CRB1: variants seen among roughly 807,000 people sequenced by gnomAD.
CRB1 encodes crumbs cell polarity complex component 1.
CRB1 carries 83 observed loss-of-function variants against 120.0 expected under a neutral mutation model. That is an observed-to-expected ratio of 0.69 (90% CI 0.58 to 0.83). The LOEUF (loss-of-function observed/expected upper bound fraction) is 0.83, where lower values mean the gene tolerates loss of function less well. Ranked by LOEUF, CRB1 falls within the 40% of genes least tolerant of loss-of-function variation. The probability of loss-of-function intolerance (pLI) is 0.00; values close to 1 mark genes in which losing one functional copy is unlikely to be tolerated. For synonymous variants in CRB1, 625 were observed against 612.5 expected, an observed-to-expected ratio of 1.02 and a Z score of -0.30; for missense variants, 1,699 against 1,687.6, an observed-to-expected ratio of 1.01 and a Z score of -0.12.
upstream of CRB1, chr1:197,268,129 C>T: frequency 2.5e-6 from 1 of 398,106 alleles, no homozygotes; most frequent in Non-Finnish European, 4.7e-6. Context: ...AGAAAACTCG[C>T]AGCAAAGGCT....
chr1:197,218,282 G>A, the CRB1 span, among the ~76,000 whole-genome samples: 2 of 152,152 alleles, frequency 1.3e-5, no homozygotes, highest in Non-Finnish European at 2.9e-5. Context: ...CTACTGGCAA[G>A]AACTTTTTAA....
chr1:197,255,618 GA>G, the CRB1 span, among the ~76,000 whole-genome samples: 1 of 151,876 alleles, frequency 6.6e-6, no homozygotes, highest in Non-Finnish European at 1.5e-5. Flanking sequence ...CTGTTTTGGA[GA>G]AAAAAGGACG....
intron 5 of CRB1, among the ~76,000 whole-genome samples, chr1:197,408,877 C>T (rs921077100): frequency 6.6e-6 from 1 of 152,230 alleles, no homozygotes; most frequent in Admixed American, 6.5e-5. Context: ...GTACTTTCTA[C>T]TTGTTAGTCC....
intron 11 of CRB1, among the ~76,000 whole-genome samples, chr1:197,456,376 C>T (rs976225399): frequency 1.3e-5 from 2 of 152,014 alleles, no homozygotes; most frequent in East Asian, 3.8e-4. Context: ...GTGTCAATTT[C>T]CAGCTTTGAG....
In CRB1 at chr1:197,427,524, T is replaced by A; in HGVS notation, c.2199T>A (p.Tyr733Ter). The A allele has an allele frequency of 6.2e-7, 1 of 1,613,986 alleles. No homozygotes were observed. Among genetic ancestry groups the A allele is most frequent in the Non-Finnish European group, 8.5e-7 (1 of 1,179,976 alleles). Reference sequence around the variant, plus strand: ...TCATCTTTACTCTTGATGAGAGCTATGGAGACACCATCAGCCTCTCCATGT... The same window carrying A: ...TCATCTTTACTCTTGATGAGAGCTAAGGAGACACCATCAGCCTCTCCATGT... ...GYVIFTLDES[Y>*]GDTISLSMFV... Residue 733 changes from tyrosine to a stop codon, truncating the protein, a stop_gained, in exon 7 of 12, where the codon TAT (tyrosine) becomes TAA (stop). Coordinates refer to ENST00000367400, the MANE Select transcript of CRB1 (RefSeq NM_201253.3). LOFTEE classifies it high-confidence loss of function.
chr1:197,477,570 C>T, intron 11 of CRB1, 94 bp from the exon 12 acceptor site: 1 of 1,137,966 alleles, frequency 8.8e-7, no homozygotes, highest in African/African-American at 1.5e-5. Context: ...CCAGCTTGCT[C>T]TGGTTGGTCT....
chr1:197,326,711 G>A (rs1658512461), intron 1 of CRB1, among the ~76,000 whole-genome samples: 1 of 151,928 alleles, frequency 6.6e-6, no homozygotes, highest in East Asian at 1.9e-4. Context: ...CAAGGGAGCT[G>A]GGGAACAGAA....
chr1:197,263,351 T>C (rs1040829459), upstream of CRB1, among the ~76,000 whole-genome samples: 4 of 152,230 alleles, frequency 2.6e-5, no homozygotes, highest in African/African-American at 9.6e-5. Context: ...TCTGTTCATG[T>C]CTTTTGCCCA....
In CRB1 at chr1:197,341,723, T is replaced by A. The variant is rs141280898; in HGVS notation, c.653-2558T>A. Reference sequence around the variant, plus strand: ...ATAAACCAAACATTTTTTTTCCCAATGCACCTTTAATCCCATGGCTTTTGC... The same window carrying A: ...ATAAACCAAACATTTTTTTTCCCAAAGCACCTTTAATCCCATGGCTTTTGC... On this transcript the variant is annotated intron_variant, in intron 2 of 11. Transcript: ENST00000367400. Among the ~76,000 whole-genome samples, 1,338 of 152,292 alleles carry A rather than the reference T, an allele frequency of 8.8e-3. 15 individuals are homozygous for A. The highest frequency in any genetic ancestry group is 0.043 in the South Asian group (207 of 4,828).
intron 1 of CRB1, among the ~76,000 whole-genome samples, chr1:197,319,873 A>G (rs1294681609): frequency 2.0e-5 from 3 of 152,178 alleles, no homozygotes; most frequent in South Asian, 2.1e-4. Context: ...ACAACATGAT[A>G]GGGTGCTTTA....
chr1:197,371,819 C>T (rs1222962646), intron 5 of CRB1, among the ~76,000 whole-genome samples: 1 of 152,124 alleles, frequency 6.6e-6, no homozygotes. Flanking sequence ...CAGTAAGAAG[C>T]CTGCTCCTTG....
intron 1 of CRB1, among the ~76,000 whole-genome samples, chr1:197,276,249 A>G (rs1372047595): frequency 1.3e-5 from 2 of 151,814 alleles, no homozygotes; most frequent in African/African-American, 4.8e-5. Flanking sequence ...TAGCATGACT[A>G]TTTGGAGTTG....
chr1:197,333,851 C>T (rs1658998424), intron 2 of CRB1, among the ~76,000 whole-genome samples: 1 of 152,082 alleles, frequency 6.6e-6, no homozygotes, highest in Admixed American at 6.6e-5. Context: ...TGGCCATGGG[C>T]ATGAAAGGAA....
At chr1:197,471,573 A>G (rs141250599) in intron 11 of CRB1, among the ~76,000 whole-genome samples, 38 of 152,192 alleles carry the variant, frequency 2.5e-4, no homozygotes, top group African/African-American at 8.7e-4. Flanking sequence ...TCCTTTCTTC[A>G]CATTCCTAAG....
chr1:197,356,839 G>C lies in CRB1; in HGVS notation c.997G>C (p.Gly333Arg), dbSNP rs778232235. The C allele has an allele frequency of 3.7e-6, 6 of 1,614,164 alleles. No homozygotes were observed. The South Asian group carries it at 6.6e-5, about 18-fold the overall frequency. The change falls in exon 5 of 12, where the codon GGT (glycine) becomes CGT (arginine). Residue 333 changes from glycine (G) to arginine (R), a missense_variant. Gly to Arg is a moderately radical substitution (Grantham distance 125, BLOSUM62 -2). Coordinates refer to ENST00000367400, the MANE Select transcript of CRB1 (RefSeq NM_201253.3). ...YTCHCWPGYT[G>R]AQCEIDLNEC... ...GAATTTTCATCATGCAGGATACACA[G>C]GTGCCCAGTGTGAGATCGACCTCAA...
At chr1:197,207,373 G>T in the CRB1 span, among the ~76,000 whole-genome samples, 132 of 151,986 alleles carry the variant, frequency 8.7e-4, no homozygotes, top group South Asian at 0.016. Context: ...TTTGTTCCAA[G>T]ATTTAGAGCT....
chr1:197,287,744 A>G (rs903507198), intron 1 of CRB1, among the ~76,000 whole-genome samples: 3 of 151,922 alleles, frequency 2.0e-5, no homozygotes, highest in Non-Finnish European at 2.9e-5. Context: ...TCCACCTGGA[A>G]TTATTTCCTC....
Position 197,344,465 on chromosome 1 carries a change from T to A in CRB1, c.837T>A (p.Asp279Glu). The change falls in exon 3 of 12, where the codon GAT (aspartate) becomes GAA (glutamate). Residue 279 changes from aspartate to glutamate, a missense_variant. Coordinates refer to ENST00000367400, the MANE Select transcript of CRB1 (RefSeq NM_201253.3). ...GTCTCCATGGAGGGCTGTGTGTGGA[T>A]GGAGAAAACAGGTACATTTTCTCTG... ...QPCLHGGLCV[D>E]GENRYSCNCT... 3.1e-6 allele frequency: 5 copies of A among 1,614,076 alleles called. No homozygotes were observed. Among genetic ancestry groups the A allele is most frequent in the Non-Finnish European group, 4.2e-6 (5 of 1,179,958 alleles).
chr1:197,423,508 A>G (rs1243941596), intron 6 of CRB1, among the ~76,000 whole-genome samples: 1 of 152,192 alleles, frequency 6.6e-6, no homozygotes, highest in Admixed American at 6.5e-5. Context: ...AAGGAAAATT[A>G]TATTTTTCAT....
Sources: gnomAD v4.1 joint callset for allele counts (sites outside exome capture counted in the v4.1 genomes callset) on GRCh38, gnomAD v4.1.1 for gene constraint, MANE v1.5 for transcripts, NCBI Gene and HGNC (gene_info 2026-07-23, HGNC 2026-07-21) for gene names.